The following PXDNL variants were observed in gnomAD, a reference collection of about 807,000 sequenced individuals.
The protein encoded by PXDNL is peroxidasin like, also known as probable oxidoreductase PXDNL.
PXDNL carries 145 observed loss-of-function variants against 150.8 expected under a neutral mutation model. The ratio of observed to expected loss-of-function variants is 0.96; its 90% confidence interval spans 0.84 to 1.10. The LOEUF is 1.10. Among genes scored for constraint, PXDNL ranks in the 50% least tolerant of loss-of-function variants. The probability of loss-of-function intolerance (pLI) is 0.00; values close to 1 mark genes in which losing one functional copy is unlikely to be tolerated. For synonymous variants in PXDNL, 757 were observed against 725.7 expected (o/e 1.04, Z -0.69); for missense variants, 2,087 against 1,873.9 (o/e 1.11, Z -2.10).
intron 3 of PXDNL, among the ~76,000 whole-genome samples, chr8:51,565,428 T>A (rs928901819): frequency 6.6e-5 from 10 of 151,902 alleles, no homozygotes; most frequent in Admixed American, 2.0e-4. Flanking sequence ...TTGTTTGTCA[T>A]TGCTGTTGTT....
intron 1 of PXDNL, among the ~76,000 whole-genome samples, chr8:51,766,743 TA>T (rs397973706): frequency 2.8e-4 from 43 of 151,450 alleles, no homozygotes; most frequent in East Asian, 1.9e-3. Context: ...ATCTTTTTTT[TA>T]AAAAAAAAAG....
chr8:51,428,753 A>C (rs1408929020), intron 12 of PXDNL, among the ~76,000 whole-genome samples: 1 of 152,320 alleles, frequency 6.6e-6, no homozygotes, highest in East Asian at 1.9e-4. Flanking sequence ...ACTATTATTC[A>C]AAAAAATAGG....
At chr8:51,396,714 C>T (rs1415590538) in intron 17 of PXDNL, among the ~76,000 whole-genome samples, 1 of 152,190 alleles carries the variant, frequency 6.6e-6, no homozygotes, top group African/African-American at 2.4e-5. Flanking sequence ...GCTGAGATTG[C>T]ACCATTGCAT....
chr8:51,534,967 G>T (rs1420073185), intron 4 of PXDNL, among the ~76,000 whole-genome samples: 2 of 109,876 alleles, frequency 1.8e-5, no homozygotes, highest in East Asian at 3.2e-4. Flanking sequence ...GGAGGGAGGT[G>T]GGGGGGTCAG....
chr8:51,505,299 T>A (rs752007497), intron 4 of PXDNL, among the ~76,000 whole-genome samples: 14 of 151,342 alleles, frequency 9.3e-5, no homozygotes, highest in Non-Finnish European at 1.6e-4. Context: ...ACAAAAATAA[T>A]AGAGAGAGAA....
At chr8:51,494,574 G>A (rs912715115) in intron 5 of PXDNL, among the ~76,000 whole-genome samples, 20 of 152,178 alleles carry the variant, frequency 1.3e-4, no homozygotes, top group African/African-American at 4.1e-4. Context: ...AAAATAAAGG[G>A]ATGGAAGAAG....
intron 2 of PXDNL, among the ~76,000 whole-genome samples, chr8:51,640,862 T>G (rs1422565091): frequency 6.6e-6 from 1 of 151,534 alleles, no homozygotes; most frequent in Non-Finnish European, 1.5e-5. Flanking sequence ...TACTTTAAAG[T>G]TCATATGGAA....
At chr8:51,330,104 T>C (rs1475891515) in intron 21 of PXDNL, among the ~76,000 whole-genome samples, 1 of 152,176 alleles carries the variant, frequency 6.6e-6, no homozygotes, top group Admixed American at 6.6e-5. Context: ...AATTGAAGGA[T>C]GCCCCCCTAC....
Position 51,536,316 on chromosome 8 carries a change from C to T in PXDNL, c.380+20524G>A, listed in dbSNP as rs193003358. ...CTAAGTCTGCATCTAGACTATGAGG[C>T]CTTGTTTTTTTCTTAAGCAAGTTGA... On this transcript the variant is annotated intron_variant, in intron 4 of 22. Transcript: ENST00000356297. Among the ~76,000 whole-genome samples the T allele has an allele frequency of 2.6e-5, 4 of 152,206 alleles. No individual in the cohort carries two copies. The East Asian group carries it at 7.7e-4, about 29-fold the overall frequency.
At chr8:51,325,196 G>A (rs1429302394) in intron 21 of PXDNL, among the ~76,000 whole-genome samples, 3 of 152,136 alleles carry the variant, frequency 2.0e-5, no homozygotes, top group Non-Finnish European at 4.4e-5. Flanking sequence ...TCAGATAACT[G>A]CAACACCTCT....
chr8:51,754,412 C>A (rs79995384), intron 1 of PXDNL, among the ~76,000 whole-genome samples: 3,788 of 152,198 alleles, frequency 0.025, 162 homozygotes, highest in African/African-American at 0.086. Context: ...GAAGCCTGCC[C>A]AAGGGCAGGG....
intron 19 of PXDNL, among the ~76,000 whole-genome samples, chr8:51,363,657 G>A (rs184153014): frequency 5.9e-5 from 9 of 152,258 alleles, no homozygotes; most frequent in African/African-American, 1.9e-4. Context: ...CCCAGGGCGT[G>A]GTGCTGCGCT....
At chr8:51,757,371 C>T (rs189991046) in intron 1 of PXDNL, among the ~76,000 whole-genome samples, 2 of 152,312 alleles carry the variant, frequency 1.3e-5, no homozygotes, top group Admixed American at 1.3e-4. Flanking sequence ...GCAGGCTCCG[C>T]AGTGCCCATC....
Position 51,709,841 on chromosome 8 carries a change from A to G in PXDNL, c.165-55081T>C, listed in dbSNP as rs549674881. 6.0e-4 allele frequency among the ~76,000 whole-genome samples: 91 copies of G among 152,352 alleles called. 2 individuals are homozygous for G. The South Asian group carries it at 0.018, about 31-fold the overall frequency. On this transcript the variant is annotated intron_variant, in intron 1 of 22. Coordinates refer to ENST00000356297, the MANE Select transcript of PXDNL (RefSeq NM_144651.5). ...AATATTGTTCATAGAATATCATTAA[A>G]CAAAATTGATTCACAAAGTTTTGCA...
intron 17 of PXDNL, among the ~76,000 whole-genome samples, chr8:51,391,207 T>C (rs1329276322): frequency 6.6e-6 from 1 of 152,202 alleles, no homozygotes; most frequent in Non-Finnish European, 1.5e-5. Context: ...AACATATGTG[T>C]GCGTGTGTCT....
chr8:51,595,150 T>G (rs1263542711), intron 2 of PXDNL, among the ~76,000 whole-genome samples: 5 of 152,178 alleles, frequency 3.3e-5, no homozygotes, highest in Non-Finnish European at 4.4e-5. Context: ...GATCAAACTT[T>G]TGGGGTAAAA....
intron 1 of PXDNL, among the ~76,000 whole-genome samples, chr8:51,667,988 C>T (rs1815420983): frequency 6.6e-6 from 1 of 152,096 alleles, no homozygotes; most frequent in Non-Finnish European, 1.5e-5. Context: ...CATAGCTGAA[C>T]ACCGGGTGAG....
Position 51,371,916 on chromosome 8 carries a change from C to T in PXDNL, c.3858G>A (p.Glu1286=). Reference sequence around the variant, plus strand: ...ACACTCGCAGGTCCACCTTCGGGATCTCGCTGCAGTTCAGGTAATCCTGTG... The same window carrying T: ...ACACTCGCAGGTCCACCTTCGGGATTTCGCTGCAGTTCAGGTAATCCTGTG... ...EYPQDYLNCS[E]IPKVDLRVWQ... The change falls in exon 19 of 23, where the codon GAG becomes GAA. Residue 1286 remains glutamate (E), a synonymous_variant. Transcript: ENST00000356297. The T allele has an allele frequency of 6.2e-7, 1 of 1,614,032 alleles. No homozygotes were observed. Among genetic ancestry groups the T allele is most frequent in the Non-Finnish European group, 8.5e-7 (1 of 1,179,894 alleles).
chr8:51,377,402 G>C (rs1807358204), intron 17 of PXDNL, among the ~76,000 whole-genome samples: 1 of 152,194 alleles, frequency 6.6e-6, no homozygotes, highest in South Asian at 2.1e-4. Context: ...TCAGTGGCCA[G>C]AGGCCACTCT....
Sources: allele counts gnomAD v4.1 joint callset (sites outside exome capture counted in the v4.1 genomes callset), GRCh38; gene constraint gnomAD v4.1.1; transcripts MANE v1.5; gene names NCBI Gene and HGNC (gene_info 2026-07-23, HGNC 2026-07-21).